Variants in HMCN1 observed in about 807,000 individuals in gnomAD.
HMCN1 encodes hemicentin 1, also known as hemicentin-1.
Under a neutral mutation model 625.9 loss-of-function variants are expected in HMCN1, and 321 were observed. The ratio of observed to expected loss-of-function variants is 0.51; its 90% CI spans 0.47 to 0.56. The LOEUF is 0.56. Among genes scored for constraint, HMCN1 ranks in the 20% least tolerant of loss-of-function variants. The probability of loss-of-function intolerance (pLI) is 0.00; values close to 1 mark genes in which losing one functional copy is unlikely to be tolerated. For missense variants in HMCN1, 6,588 were observed against 6,887.3 expected, an observed-to-expected ratio of 0.96 and a Z score of 1.54; for synonymous variants, 2,425 against 2,417.6, an observed-to-expected ratio of 1.00 and a Z score of -0.09.
rs138077682 is a variant in HMCN1 at position 185,864,061 on chromosome 1, G to A, written c.340-409G>A. On this transcript the variant is annotated intron_variant, in intron 2 of 106. Transcript: ENST00000271588. Reference sequence around the variant, plus strand: ...CAGGCATCTGGCTGCTTCTGCAGATGGGTTAACAGGTATTGTGGTGGGAGC... The same window carrying A: ...CAGGCATCTGGCTGCTTCTGCAGATAGGTTAACAGGTATTGTGGTGGGAGC... 1.2e-3 allele frequency among the ~76,000 whole-genome samples: 187 copies of A among 152,264 alleles called. 1 individual carries two copies. Among genetic ancestry groups the A allele is most frequent in the African/African-American group, 1.6e-3 (66 of 41,544 alleles).
intron 1 of HMCN1, among the ~76,000 whole-genome samples, chr1:185,777,788 C>T (rs1322605074): frequency 1.3e-5 from 2 of 152,198 alleles, no homozygotes; most frequent in African/African-American, 4.8e-5. Context: ...ACATAGGCAG[C>T]TCTATTATCC....
At chr1:186,121,654 G>T (rs1661404037) in intron 80 of HMCN1, among the ~76,000 whole-genome samples, 1 of 152,128 alleles carries the variant, frequency 6.6e-6, no homozygotes, top group Non-Finnish European at 1.5e-5. Flanking sequence ...GAAACTATTA[G>T]AAATCCTAGT....
chr1:186,094,614 A>T (rs1484051714), intron 67 of HMCN1, among the ~76,000 whole-genome samples: 3 of 152,154 alleles, frequency 2.0e-5, no homozygotes, highest in Non-Finnish European at 2.9e-5. Flanking sequence ...TCTAATTTTT[A>T]AAAATAGCAT....
intron 2 of HMCN1, among the ~76,000 whole-genome samples, chr1:185,860,087 A>C (rs891345439): frequency 1.3e-5 from 2 of 152,206 alleles, no homozygotes; most frequent in African/African-American, 4.8e-5. Context: ...TTTTGGAAAA[A>C]GAATAAGCTT....
chr1:186,128,458 GT>G (rs1661759637), intron 83 of HMCN1, among the ~76,000 whole-genome samples, 167 bp downstream of exon 83: 1 of 151,884 alleles, frequency 6.6e-6, no homozygotes, highest in South Asian at 2.1e-4. Context: ...CAATATATAT[GT>G]TTTGTTCCTT....
intron 1 of HMCN1, among the ~76,000 whole-genome samples, chr1:185,803,205 CAAAA>C: frequency 5.1e-5 from 3 of 58,756 alleles, no homozygotes; most frequent in East Asian, 1.3e-3. Flanking sequence ...AAAAAAAAAG[CAAAA>C]AAAAAAAAAA....
intron 105 of HMCN1, among the ~76,000 whole-genome samples, chr1:186,186,694 G>A (rs1653333000): frequency 6.6e-6 from 1 of 152,114 alleles, no homozygotes. Flanking sequence ...GAAACAGGGA[G>A]ATGGGAATAG....
intron 1 of HMCN1, among the ~76,000 whole-genome samples, chr1:185,773,391 C>G (rs752385414): frequency 6.6e-6 from 1 of 152,118 alleles, no homozygotes; most frequent in Non-Finnish European, 1.5e-5. Context: ...TGGGAATGAG[C>G]ATGGGGCTAA....
chr1:186,123,341 T>C, intron 81 of HMCN1, 121 bp downstream of exon 81: 1 of 1,195,078 alleles, frequency 8.4e-7, no homozygotes, highest in South Asian at 1.3e-5. Flanking sequence ...AAAGTGTGTG[T>C]GGGGGTGTGG....
intron 1 of HMCN1, among the ~76,000 whole-genome samples, chr1:185,778,689 G>C (rs1008246269): frequency 2.6e-5 from 4 of 151,970 alleles, no homozygotes; most frequent in African/African-American, 9.7e-5. Context: ...CCTTTTTTAT[G>C]GCTGCATAGT....
chr1:186,143,799 A>G (rs1334319739), intron 89 of HMCN1, among the ~76,000 whole-genome samples: 2 of 152,180 alleles, frequency 1.3e-5, no homozygotes, highest in Non-Finnish European at 2.9e-5. Context: ...CTTGTTCCCA[A>G]GCTCCCAGTT....
intron 86 of HMCN1, among the ~76,000 whole-genome samples, chr1:186,136,449 C>A (rs896316918): frequency 6.6e-6 from 1 of 151,900 alleles, no homozygotes; most frequent in Non-Finnish European, 1.5e-5. Context: ...ATGCTCTAGG[C>A]TAATCTCAGG....
rs1652560602 is a variant in HMCN1 at position 185,993,272 on chromosome 1, T to C, written c.3468T>C (p.Ala1156=). ...ATCTTTGTGTTGCCACAAATATTGC[T>C]GGGAATGTGACTCAGGCTGTCAAAT... ...GMYLCVATNI[A]GNVTQAVKLN... Residue 1156 remains alanine, a synonymous_variant, in exon 23 of 107, where the codon GCT becomes GCC. Transcript: ENST00000271588. The C allele has an allele frequency of 6.2e-7, 1 of 1,613,216 alleles. No individual in the cohort carries two copies. Among genetic ancestry groups the C allele is most frequent in the Non-Finnish European group, 8.5e-7 (1 of 1,179,284 alleles).
rs1352965791 is a variant in HMCN1, at chr1:185,734,688, T to C, written c.-92T>C. On this transcript the variant is annotated 5_prime_UTR_variant, in exon 1 of 107. Coordinates refer to ENST00000271588, the MANE Select transcript of HMCN1 (RefSeq NM_031935.3). ...CAGAGATTCCAAGAGTCTGATGAGT[T>C]ACTCTGAGAGGAAACCCTCTGCCTG... 1 of 1,268,748 alleles carries C rather than the reference T, an allele frequency of 7.9e-7. No homozygotes were observed. The highest frequency in any genetic ancestry group is 1.1e-6 in the Non-Finnish European group (1 of 874,196). The allele number at this position is 1,268,748 out of a possible 1,614,324, so 78.6% of individuals were successfully genotyped here.
intron 5 of HMCN1, among the ~76,000 whole-genome samples, chr1:185,910,203 CTATATT>C (rs1175263357): frequency 2.0e-5 from 3 of 151,782 alleles, no homozygotes; most frequent in Non-Finnish European, 4.4e-5. Context: ...ATTTTTTTCT[CTATATT>C]TATAAATAGG....
chr1:185,915,167 G>C (rs1666631873), intron 6 of HMCN1, among the ~76,000 whole-genome samples: 1 of 151,930 alleles, frequency 6.6e-6, no homozygotes, highest in African/African-American at 2.4e-5. Context: ...AATATTTTAG[G>C]TTTCCTCTGA....
At chr1:186,136,629 C>A in intron 86 of HMCN1, 39 bp from the exon 87 acceptor site, 2 of 1,605,838 alleles carry the variant, frequency 1.2e-6, no homozygotes, top group Non-Finnish European at 1.7e-6. Context: ...AATGCTGTAA[C>A]TCCACAAAAA....
intron 1 of HMCN1, among the ~76,000 whole-genome samples, chr1:185,843,320 G>A (rs1158280738): frequency 6.6e-6 from 1 of 152,096 alleles, no homozygotes; most frequent in Non-Finnish European, 1.5e-5. Flanking sequence ...CAGGTACGTC[G>A]GCAGGAGAAA....
chr1:185,821,996 A>G (rs1381275502), intron 1 of HMCN1, among the ~76,000 whole-genome samples: 2 of 152,134 alleles, frequency 1.3e-5, no homozygotes, highest in Admixed American at 6.6e-5. Flanking sequence ...CAACTACATA[A>G]TCTTTGGGAA....
Sources: allele counts gnomAD v4.1 joint callset (sites outside exome capture counted in the v4.1 genomes callset), GRCh38; gene constraint gnomAD v4.1.1; transcripts MANE v1.5; gene names NCBI Gene and HGNC (gene_info 2026-07-23, HGNC 2026-07-21).